The following KLHL1 variants were observed in gnomAD, a reference collection of about 807,000 sequenced individuals.
The protein encoded by KLHL1 is kelch-like protein 1.
A neutral mutation model predicts 77.7 loss-of-function variants in KLHL1; 47 were observed. The ratio of observed to expected loss-of-function variants is 0.60; its 90% CI spans 0.48 to 0.77. KLHL1 has a LOEUF of 0.77. Ranked by LOEUF, KLHL1 falls within the 30% of genes least tolerant of loss-of-function variation. KLHL1 has a pLI of 0.00. For synonymous variants in KLHL1, 360 were observed against 325.2 expected, an observed-to-expected ratio of 1.11 and a Z score of -1.15; for missense variants, 925 against 910.8, an observed-to-expected ratio of 1.02 and a Z score of -0.20.
chr13:69,896,546 C>G (rs1020087596), intron 4 of KLHL1, among the ~76,000 whole-genome samples: 9 of 152,112 alleles, frequency 5.9e-5, no homozygotes, highest in South Asian at 4.1e-4. Context: ...TGATGGATGA[C>G]CCTCAGTCAT....
At chr13:69,993,421 A>G (rs1328322936) in intron 1 of KLHL1, among the ~76,000 whole-genome samples, 3 of 152,074 alleles carry the variant, frequency 2.0e-5, no homozygotes, top group Admixed American at 1.3e-4. Flanking sequence ...TTCCTCATAA[A>G]TAAGGAATCA....
rs534255310 is a variant in KLHL1, at chr13:70,031,551, A to G, written c.498-55749T>C. ...ATTGTCTAAAATATTGTTAAAGACAAATGGGGTCTAAAATTGTGGTTCCCA... is the reference window on the plus strand; with the variant it reads ...ATTGTCTAAAATATTGTTAAAGACAGATGGGGTCTAAAATTGTGGTTCCCA... On this transcript the variant is annotated intron_variant, in intron 1 of 10. Transcript: ENST00000377844. Among the ~76,000 whole-genome samples, 8 of 152,302 alleles carry G rather than the reference A, an allele frequency of 5.3e-5. No individual in the cohort carries two copies. In the East Asian group the frequency reaches 1.5e-3, roughly 29 times the overall value.
chr13:69,852,880 AT>A (rs1879748501), intron 5 of KLHL1, among the ~76,000 whole-genome samples: 1 of 152,018 alleles, frequency 6.6e-6, no homozygotes, highest in Non-Finnish European at 1.5e-5. Context: ...ATGAAAATAT[AT>A]TTATTAATCT....
At chr13:69,722,360 T>C (rs1262122535) in intron 8 of KLHL1, among the ~76,000 whole-genome samples, 3 of 151,900 alleles carry the variant, frequency 2.0e-5, no homozygotes, top group Non-Finnish European at 2.9e-5. Flanking sequence ...TACCTAAATT[T>C]ACATTAAAAA....
chr13:69,891,901 AT>A (rs1555278026), intron 4 of KLHL1, among the ~76,000 whole-genome samples: 3 of 151,860 alleles, frequency 2.0e-5, no homozygotes, highest in African/African-American at 4.8e-5. Context: ...TATAAATTTT[AT>A]TTTTTTAAAA....
intron 1 of KLHL1, among the ~76,000 whole-genome samples, chr13:70,057,782 C>CAAAAAAAAAAAAAA (rs60920874): frequency 4.8e-5 from 3 of 62,228 alleles, no homozygotes; most frequent in African/African-American, 6.9e-5. Flanking sequence ...GACTCCGTCT[C>CAAAAAAAAAAAAAA]AAAAAAAAAA....
chr13:70,045,691 T>A (rs1425926935), intron 1 of KLHL1, among the ~76,000 whole-genome samples: 2 of 152,172 alleles, frequency 1.3e-5, no homozygotes, highest in Non-Finnish European at 2.9e-5. Context: ...CATATGGAGT[T>A]TTAAAGAAAT....
chr13:69,910,527 G>A (rs1377196125), intron 4 of KLHL1, among the ~76,000 whole-genome samples: 1 of 151,968 alleles, frequency 6.6e-6, no homozygotes, highest in East Asian at 1.9e-4. Context: ...TTCGGGTATC[G>A]GATGGCTGTG....
intron 3 of KLHL1, among the ~76,000 whole-genome samples, chr13:69,946,538 G>A (rs1883530896): frequency 6.6e-6 from 1 of 151,732 alleles, no homozygotes; most frequent in Admixed American, 6.6e-5. Context: ...TTTGAGACAA[G>A]GTCTTATTCT....
rs76487731 is a variant in KLHL1, at chr13:69,948,129, C to G, written c.818-7893G>C. 5.9e-3 allele frequency among the ~76,000 whole-genome samples: 893 copies of G among 152,156 alleles called. 7 individuals carry two copies. Among genetic ancestry groups the G allele is most frequent in the African/African-American group, 0.02 (822 of 41,520 alleles). ...ATGAAATGTTTATAATCTCTCTTAG[C>G]AAGTCCAGAGGAACTTTGTCTCCAG... On this transcript the variant is annotated intron_variant, in intron 3 of 10. Coordinates refer to ENST00000377844, the MANE Select transcript of KLHL1 (RefSeq NM_020866.3).
chr13:69,731,955 A>G (rs1873563379), intron 8 of KLHL1, among the ~76,000 whole-genome samples: 1 of 152,308 alleles, frequency 6.6e-6, no homozygotes, highest in Admixed American at 6.5e-5. Context: ...ACCTAAAAAC[A>G]TATACTTTAA....
chr13:69,970,790 G>T (rs1884360673), intron 2 of KLHL1, among the ~76,000 whole-genome samples: 1 of 152,100 alleles, frequency 6.6e-6, no homozygotes, highest in Admixed American at 6.6e-5. Flanking sequence ...TCCTCTGCCT[G>T]CTTCTGTTTC....
chr13:69,830,231 A>G (rs1234152786), intron 6 of KLHL1, among the ~76,000 whole-genome samples: 1 of 150,304 alleles, frequency 6.7e-6, no homozygotes, highest in African/African-American at 2.5e-5. Context: ...ACTCACATAA[A>G]TTTAAGGTAA....
chr13:70,098,824 C>G (rs978703299), intron 1 of KLHL1, among the ~76,000 whole-genome samples: 1 of 151,474 alleles, frequency 6.6e-6, no homozygotes, highest in Non-Finnish European at 1.5e-5. Context: ...AATTGCTGAT[C>G]ATCTCTTCTT....
At chr13:69,831,538 C>A (rs1466770173) in intron 6 of KLHL1, among the ~76,000 whole-genome samples, 2 of 149,794 alleles carry the variant, frequency 1.3e-5, no homozygotes, top group Non-Finnish European at 3.0e-5. Flanking sequence ...GAATTGGTAC[C>A]AATTCTATTG....
At chr13:69,740,863 T>C (rs1418467230) in intron 7 of KLHL1, among the ~76,000 whole-genome samples, 1 of 152,150 alleles carries the variant, frequency 6.6e-6, no homozygotes, top group Non-Finnish European at 1.5e-5. Flanking sequence ...AATAGTATTA[T>C]GACCTAGATG....
At chr13:70,032,428 T>C (rs1461792446) in intron 1 of KLHL1, among the ~76,000 whole-genome samples, 1 of 152,130 alleles carries the variant, frequency 6.6e-6, no homozygotes, top group East Asian at 1.9e-4. Context: ...CAGAAAACAA[T>C]GACGGAGCAA....
intron 6 of KLHL1, among the ~76,000 whole-genome samples, chr13:69,806,818 G>T (rs1877637669): frequency 6.6e-6 from 1 of 152,126 alleles, no homozygotes. Flanking sequence ...CAGATACTGG[G>T]GACCTACAGG....
intron 7 of KLHL1, among the ~76,000 whole-genome samples, chr13:69,786,609 C>A (rs1014915976): frequency 3.3e-5 from 5 of 152,178 alleles, no homozygotes; most frequent in African/African-American, 1.2e-4. Context: ...GACAGGGATG[C>A]CCTCTCTCAC....
Sources: allele counts gnomAD v4.1 joint callset (sites outside exome capture counted in the v4.1 genomes callset), GRCh38; gene constraint gnomAD v4.1.1; transcripts MANE v1.5; gene names NCBI Gene and HGNC (gene_info 2026-07-23, HGNC 2026-07-21).